The following LRGUK variants were observed in gnomAD, a reference collection of about 807,000 sequenced individuals.
LRGUK encodes the protein leucine rich repeats and guanylate kinase domain containing.
A neutral mutation model predicts 76.0 loss-of-function variants in LRGUK; 65 were observed. The ratio of observed to expected loss-of-function variants is 0.85; its 90% CI spans 0.70 to 1.05. LRGUK has a LOEUF of 1.05. LRGUK is among the 50% of genes least tolerant of loss of function. LRGUK has a pLI of 0.00. For synonymous variants in LRGUK, 268 were observed against 265.6 expected (o/e 1.01, Z -0.09); for missense variants, 758 against 732.8 (o/e 1.03, Z -0.40).
intron 15 of LRGUK, among the ~76,000 whole-genome samples, chr7:134,203,693 C>T (rs1800882074): frequency 1.3e-5 from 2 of 152,146 alleles, no homozygotes; most frequent in South Asian, 2.1e-4. Context: ...GAGGACTGTG[C>T]TCAGTCTACA....
intron 15 of LRGUK, among the ~76,000 whole-genome samples, chr7:134,217,271 G>A (rs535633083): frequency 1.8e-4 from 27 of 150,598 alleles, no homozygotes; most frequent in Non-Finnish European, 3.8e-4. Context: ...ACATTACAAT[G>A]TATGAAGTTT....
At chr7:134,205,167 G>A (rs1800949990) in intron 15 of LRGUK, among the ~76,000 whole-genome samples, 1 of 152,198 alleles carries the variant, frequency 6.6e-6, no homozygotes, top group South Asian at 2.1e-4. Context: ...CTATCAGAGT[G>A]CCCTTTTTTC....
chr7:134,143,195 A>G (rs1563140712), intron 4 of LRGUK, 33 bp downstream of exon 4: 1 of 1,305,442 alleles, frequency 7.7e-7, no homozygotes, highest in Non-Finnish European at 1.1e-6. Flanking sequence ...TTACACATTA[A>G]GGGGTTTGCA....
At chr7:134,151,519 C>T (rs918263618) in intron 5 of LRGUK, among the ~76,000 whole-genome samples, 7 of 152,054 alleles carry the variant, frequency 4.6e-5, no homozygotes, top group African/African-American at 1.4e-4. Flanking sequence ...AAACAGAAGG[C>T]ATATTCACAA....
At chr7:134,186,106 C>G (rs981110168) in intron 11 of LRGUK, among the ~76,000 whole-genome samples, 3 of 152,196 alleles carry the variant, frequency 2.0e-5, no homozygotes, top group Non-Finnish European at 4.4e-5. Context: ...AACCAAGTTT[C>G]TCCAGTTCCT....
At chr7:134,163,900 T>C (rs980083318) in intron 7 of LRGUK, among the ~76,000 whole-genome samples, 2 of 152,176 alleles carry the variant, frequency 1.3e-5, no homozygotes, top group Non-Finnish European at 2.9e-5. Context: ...AGAATAGCCA[T>C]TGGCTGGTGT....
intron 14 of LRGUK, among the ~76,000 whole-genome samples, chr7:134,200,975 T>G (rs1378642622): frequency 6.6e-6 from 1 of 152,202 alleles, no homozygotes; most frequent in South Asian, 2.1e-4. Context: ...CCAGTTTCCC[T>G]GTGGGCTGTC....
intron 7 of LRGUK, among the ~76,000 whole-genome samples, chr7:134,163,802 C>G (rs1798860966): frequency 6.6e-6 from 1 of 152,112 alleles, no homozygotes; most frequent in Non-Finnish European, 1.5e-5. Context: ...GGATGATTTT[C>G]TAAAGTATAC....
chr7:134,144,329 G>T (rs530246431), intron 4 of LRGUK, among the ~76,000 whole-genome samples: 47 of 152,248 alleles, frequency 3.1e-4, no homozygotes, highest in African/African-American at 1.1e-3. Context: ...TGTAGAGGCG[G>T]GGTTTCACCA....
exon 20 of LRGUK, chr7:134,264,552 CT>C (rs1802821549): frequency 6.6e-6 from 1 of 152,204 alleles, no homozygotes; most frequent in Non-Finnish European, 1.5e-5. Flanking sequence ...TCTTGACTTA[CT>C]TTAGCAACAC....
chr7:134,127,441 C>A (rs774585036), exon 1 of LRGUK: 11 of 1,614,066 alleles, frequency 6.8e-6, no homozygotes, highest in East Asian at 6.7e-5. Flanking sequence ...AGATCCCGAA[C>A]TGGAGCCCGA....
At chr7:134,255,075 TG>T (rs1055380637) in intron 18 of LRGUK, among the ~76,000 whole-genome samples, 1 of 152,150 alleles carries the variant, frequency 6.6e-6, no homozygotes, top group Non-Finnish European at 1.5e-5. Context: ...ATTAATTCAG[TG>T]GATAAAGATA....
intron 5 of LRGUK, among the ~76,000 whole-genome samples, chr7:134,155,717 AC>A (rs994214964): frequency 6.6e-6 from 1 of 152,154 alleles, no homozygotes; most frequent in African/African-American, 2.4e-5. Flanking sequence ...GCTCATTCAT[AC>A]CCATTTTCTA....
At chr7:134,132,104 T>C (rs1438232543) in intron 1 of LRGUK, among the ~76,000 whole-genome samples, 1 of 152,080 alleles carries the variant, frequency 6.6e-6, no homozygotes, top group East Asian at 1.9e-4. Context: ...TCCTGACACT[T>C]TGGGAGCCAG....
At chr7:134,209,857 C>T in exon 16 of LRGUK, 1 of 399,346 alleles carries the variant, frequency 2.5e-6, no homozygotes. Flanking sequence ...CAGAACCTCG[C>T]ATCCTCAGTC....
At position 134,199,342 on chromosome 7, in the gene LRGUK, AT is replaced by A. The variant is rs751324265; in HGVS notation, c.1671del (p.Phe557LeufsTer23). 2 of 1,613,908 alleles carry A rather than the reference AT, an allele frequency of 1.2e-6. No individual in the cohort carries two copies. The highest frequency in any genetic ancestry group is 4.5e-5 in the East Asian group (2 of 44,834). ...GATTATTCAGTCGTGCAGAAATTGA[AT>A]TTGCTGTCTCCAGAGTGGACCTTTA... On this transcript the variant is annotated frameshift_variant, in exon 14 of 16. Transcript: ENST00000645682. LOFTEE classifies it high-confidence loss of function.
chr7:134,208,817 G>A, exon 16 of LRGUK: 1 of 399,016 alleles, frequency 2.5e-6, no homozygotes, highest in African/African-American at 2.1e-5. Context: ...GCATCTCTCT[G>A]GAATGCAAAT....
the LRGUK span, among the ~76,000 whole-genome samples, chr7:134,272,288 A>G: frequency 1.3e-5 from 2 of 152,166 alleles, no homozygotes; most frequent in African/African-American, 4.8e-5. Flanking sequence ...AATCATATTC[A>G]TTGTATTATT....
intron 18 of LRGUK, among the ~76,000 whole-genome samples, chr7:134,257,220 G>C (rs1252960633): frequency 6.6e-6 from 1 of 152,196 alleles, no homozygotes; most frequent in East Asian, 1.9e-4. Context: ...TAAAAGGCAA[G>C]ATTTATCCAA....
Sources: allele counts gnomAD v4.1 joint callset (sites outside exome capture counted in the v4.1 genomes callset), GRCh38; gene constraint gnomAD v4.1.1; transcripts MANE v1.5; gene names NCBI Gene and HGNC (gene_info 2026-07-23, HGNC 2026-07-21).